The following RABGAP1L variants were observed in gnomAD, a reference collection of about 807,000 sequenced individuals.
RABGAP1L encodes rab GTPase-activating protein 1-like.
In RABGAP1L, 63 loss-of-function variants were observed where a neutral mutation model predicts 137.7. The ratio of observed to expected loss-of-function variants is 0.46; its 90% CI spans 0.37 to 0.56. The LOEUF is 0.56. RABGAP1L is among the 20% of genes least tolerant of loss of function. RABGAP1L has a pLI of 0.00. For synonymous variants in RABGAP1L, 431 were observed against 433.7 expected, an observed-to-expected ratio of 0.99 and a Z score of 0.08; for missense variants, 1,095 against 1,244.0, an observed-to-expected ratio of 0.88 and a Z score of 1.80.
intron 11 of RABGAP1L, among the ~76,000 whole-genome samples, chr1:174,349,542 C>A (rs1246472097): frequency 7.6e-6 from 1 of 131,534 alleles, no homozygotes; most frequent in African/African-American, 2.8e-5. Flanking sequence ...CGGGCAGAGG[C>A]GCCCCTCACC....
At chr1:174,247,346 G>C (rs1156575421) in intron 5 of RABGAP1L, among the ~76,000 whole-genome samples, 1 of 152,184 alleles carries the variant, frequency 6.6e-6, no homozygotes, top group Non-Finnish European at 1.5e-5. Context: ...TAGCCAGAAA[G>C]AGTCATGGCC....
At chr1:174,624,146 G>A (rs1204321872) in intron 13 of RABGAP1L, among the ~76,000 whole-genome samples, 1 of 152,156 alleles carries the variant, frequency 6.6e-6, no homozygotes, top group Non-Finnish European at 1.5e-5. Context: ...TACTGGGCAT[G>A]CCAAGTGCTT....
chr1:174,486,950 G>T (rs1460231148), intron 13 of RABGAP1L, among the ~76,000 whole-genome samples: 2 of 151,962 alleles, frequency 1.3e-5, no homozygotes, highest in African/African-American at 4.8e-5. Flanking sequence ...AAAATTCCTT[G>T]TTACTAATTT....
At chr1:174,544,001 G>C (rs1017070697) in intron 13 of RABGAP1L, among the ~76,000 whole-genome samples, 1 of 152,122 alleles carries the variant, frequency 6.6e-6, no homozygotes, top group Non-Finnish European at 1.5e-5. Flanking sequence ...TGGGTAACTC[G>C]ACCTTTCTCT....
intron 11 of RABGAP1L, among the ~76,000 whole-genome samples, chr1:174,315,457 G>A (rs1251546331): frequency 1.3e-5 from 2 of 152,094 alleles, no homozygotes; most frequent in Non-Finnish European, 2.9e-5. Context: ...TAGCCAGTCT[G>A]TGTCTTTTGA....
chr1:174,910,429 T>C (rs1659870228), intron 19 of RABGAP1L, among the ~76,000 whole-genome samples: 1 of 152,162 alleles, frequency 6.6e-6, no homozygotes, highest in African/African-American at 2.4e-5. Context: ...ATAAAGACCA[T>C]AAATGACAAA....
chr1:174,974,098 C>T (rs1479298770), intron 21 of RABGAP1L, among the ~76,000 whole-genome samples: 1 of 150,116 alleles, frequency 6.7e-6, no homozygotes, highest in African/African-American at 2.4e-5. Context: ...ACGCCATTCT[C>T]CTGCCTCAGC....
intron 5 of RABGAP1L, chr1:174,245,004 T>C (rs1672138240): frequency 6.6e-6 from 1 of 152,218 alleles, no homozygotes; most frequent in Non-Finnish European, 1.5e-5. Context: ...TACTTATTCT[T>C]ATTGCATTGT....
At position 174,645,153 on chromosome 1, in the gene RABGAP1L, T is replaced by C. The variant is rs402612; in HGVS notation, c.1824+7665T>C. 2.7e-3 allele frequency among the ~76,000 whole-genome samples: 413 copies of C among 152,202 alleles called. 6 individuals carry two copies. Among genetic ancestry groups the C allele is most frequent in the African/African-American group, 9.5e-3 (395 of 41,530 alleles). On this transcript the variant is annotated intron_variant, in intron 14 of 25. Transcript: ENST00000681986. ...GTAACCATTTTACTATAAATATATA[T>C]CACATAACGTTGTGTTGTAAACCAC...
intron 13 of RABGAP1L, among the ~76,000 whole-genome samples, chr1:174,413,899 A>G (rs996948958): frequency 6.6e-6 from 1 of 151,948 alleles, no homozygotes; most frequent in Non-Finnish European, 1.5e-5. Flanking sequence ...CTTTGAATGC[A>G]CAGTGGTCGA....
At chr1:174,892,531 C>A in intron 19 of RABGAP1L, 1 of 515,912 alleles carries the variant, frequency 1.9e-6, no homozygotes, top group South Asian at 1.4e-5. Flanking sequence ...CTCCAAGTTT[C>A]AATAGTCTTA....
intron 13 of RABGAP1L, among the ~76,000 whole-genome samples, chr1:174,522,237 C>G (rs1468575305): frequency 6.6e-6 from 1 of 152,088 alleles, no homozygotes; most frequent in Non-Finnish European, 1.5e-5. Context: ...TGCAGAACAG[C>G]AGAAGGCAGA....
chr1:174,917,603 G>C (rs1366065105), intron 19 of RABGAP1L, among the ~76,000 whole-genome samples: 1 of 152,104 alleles, frequency 6.6e-6, no homozygotes, highest in African/African-American at 2.4e-5. Flanking sequence ...TACAGTTTTT[G>C]TAGCTACCTT....
At chr1:174,599,974 C>A (rs1006060142) in intron 13 of RABGAP1L, among the ~76,000 whole-genome samples, 6 of 152,112 alleles carry the variant, frequency 3.9e-5, no homozygotes, top group Admixed American at 2.0e-4. Flanking sequence ...AGTCTGTTTT[C>A]ATGCTGCTGA....
At chr1:174,773,163 G>GGTGTGTGTGTGTGTGT (rs9286899) in intron 18 of RABGAP1L, among the ~76,000 whole-genome samples, 25,145 of 149,450 alleles carry the variant, frequency 0.17, 2,727 homozygotes, top group East Asian at 0.31. Context: ...TAAGCTATGG[G>GGTGTGTGTGTGTGTGT]GTGTGTGTGT....
intron 13 of RABGAP1L, among the ~76,000 whole-genome samples, chr1:174,437,148 A>G (rs1316293502): frequency 2.6e-5 from 4 of 152,220 alleles, no homozygotes; most frequent in Non-Finnish European, 5.9e-5. Context: ...CGGAAACTCT[A>G]AAAATCAGAG....
At chr1:174,645,030 T>A (rs1458335097) in intron 14 of RABGAP1L, among the ~76,000 whole-genome samples, 1 of 152,024 alleles carries the variant, frequency 6.6e-6, no homozygotes, top group Non-Finnish European at 1.5e-5. Flanking sequence ...TTGTATTGTT[T>A]TAGGGATTTT....
chr1:174,624,217 T>C (rs1383388479), intron 13 of RABGAP1L, among the ~76,000 whole-genome samples: 2 of 152,196 alleles, frequency 1.3e-5, no homozygotes, highest in Non-Finnish European at 2.9e-5. Context: ...TCATGATCTG[T>C]AGGTTTTGTT....
chr1:174,648,869 T>C (rs1340368956), intron 14 of RABGAP1L, among the ~76,000 whole-genome samples: 1 of 152,162 alleles, frequency 6.6e-6, no homozygotes, highest in Non-Finnish European at 1.5e-5. Context: ...ACTTGTGTTA[T>C]GAATCTGGGT....
Sources: allele counts gnomAD v4.1 joint callset (sites outside exome capture counted in the v4.1 genomes callset), GRCh38; gene constraint gnomAD v4.1.1; transcripts MANE v1.5; gene names NCBI Gene and HGNC (gene_info 2026-07-23, HGNC 2026-07-21).